The following LRP1B variants were observed in gnomAD, a reference collection of about 807,000 sequenced individuals.
The protein encoded by LRP1B is LDL receptor related protein 1B.
LRP1B carries 217 observed loss-of-function variants against 556.6 expected under a neutral mutation model. The ratio of observed to expected loss-of-function variants is 0.39; its 90% confidence interval spans 0.35 to 0.44. LRP1B has a LOEUF of 0.44. LRP1B is among the 20% of genes least tolerant of loss of function. The pLI is 1.00. For missense variants in LRP1B, 5,053 were observed against 5,620.8 expected (o/e 0.90, Z 3.23); for synonymous variants, 2,047 against 1,865.8 (o/e 1.10, Z -2.50).
At position 141,160,296 on chromosome 2, in the gene LRP1B, C is replaced by G. The variant is rs917786353; in HGVS notation, c.1013+28125G>C. On this transcript the variant is annotated intron_variant, in intron 7 of 90. Coordinates refer to ENST00000389484, the MANE Select transcript of LRP1B (RefSeq NM_018557.3). ...GGAGAATATGTCTGAACAACTAGATCTCTCATATATTGCTGGTGAAACTGT... is the reference window on the plus strand; with the variant it reads ...GGAGAATATGTCTGAACAACTAGATGTCTCATATATTGCTGGTGAAACTGT... Among the ~76,000 whole-genome samples, 5 of 152,164 alleles carry G rather than the reference C, an allele frequency of 3.3e-5. No homozygotes were observed. In the East Asian group the frequency reaches 9.7e-4, roughly 29 times the overall value.
intron 1 of LRP1B, among the ~76,000 whole-genome samples, chr2:142,070,439 A>G (rs1047163903): frequency 1.3e-5 from 2 of 151,826 alleles, no homozygotes; most frequent in Non-Finnish European, 2.9e-5. Flanking sequence ...CTTGGGTTCT[A>G]ACACAAATCA....
At chr2:141,359,358 T>C (rs1388420148) in intron 3 of LRP1B, among the ~76,000 whole-genome samples, 1 of 150,718 alleles carries the variant, frequency 6.6e-6, no homozygotes, top group Non-Finnish European at 1.5e-5. Flanking sequence ...AGGCAAACAT[T>C]AGAATGAGAA....
chr2:141,795,857 AATATATATATATATATATATAT>A (rs1198211801), intron 2 of LRP1B, among the ~76,000 whole-genome samples: 8 of 51,612 alleles, frequency 1.6e-4, no homozygotes, highest in Admixed American at 2.3e-4. Context: ...AACCAGGAGC[AATATATATATATATATATATAT>A]ATATATATAT....
chr2:141,040,978 T>A (rs1360559257), intron 11 of LRP1B, among the ~76,000 whole-genome samples: 1 of 152,118 alleles, frequency 6.6e-6, no homozygotes, highest in Non-Finnish European at 1.5e-5. Context: ...AAACCTACCT[T>A]GGATCATGTC....
intron 67 of LRP1B, among the ~76,000 whole-genome samples, chr2:140,379,627 A>G (rs753853542): frequency 2.6e-5 from 4 of 152,132 alleles, no homozygotes; most frequent in Non-Finnish European, 5.9e-5. Context: ...TCTGGGAGAC[A>G]GAGGCTGCAG....
At position 141,516,928 on chromosome 2, in the gene LRP1B, C is replaced by A. The variant is rs191202122; in HGVS notation, c.206-36395G>T. On this transcript the variant is annotated intron_variant, in intron 2 of 90. Coordinates refer to ENST00000389484, the MANE Select transcript of LRP1B (RefSeq NM_018557.3). The stretch of plus-strand genomic sequence containing the variant: ...GCCAGGCTGGTCTCGAACTCCTGAC[C>A]TCAGGTGATCCGCCTGCCTCGGTCT... 8.4e-4 allele frequency among the ~76,000 whole-genome samples: 122 copies of A among 144,608 alleles called. 4 individuals carry two copies. The East Asian group carries it at 0.021, about 25-fold the overall frequency. The allele number at this position is 144,608 out of a possible 152,430, so 94.9% of individuals were successfully genotyped here.
intron 1 of LRP1B, among the ~76,000 whole-genome samples, chr2:142,115,407 G>A (rs76643695): frequency 0.032 from 4,463 of 139,158 alleles, 264 homozygotes; most frequent in African/African-American, 0.12. Context: ...AACAGTGATA[G>A]TACTAGATTA....
intron 7 of LRP1B, among the ~76,000 whole-genome samples, chr2:141,070,275 A>G (rs1235523930): frequency 6.6e-6 from 1 of 150,950 alleles, no homozygotes; most frequent in Non-Finnish European, 1.5e-5. Context: ...AACGAAATGA[A>G]GGCAGAAATA....
chr2:141,794,714 A>C (rs1202611757), intron 2 of LRP1B, among the ~76,000 whole-genome samples: 1 of 152,024 alleles, frequency 6.6e-6, no homozygotes, highest in Non-Finnish European at 1.5e-5. Flanking sequence ...AACTTCAAAA[A>C]TATTTTAATA....
rs567285726 is a variant in LRP1B at position 140,628,493 on chromosome 2, T to C, written c.6800-26854A>G. ...CGGAGCTTGCAGTGAGCCTAGATCC[T>C]GCCACTGCACTCCAGCCTGGGCGAA... On this transcript the variant is annotated intron_variant, in intron 41 of 90. Coordinates refer to ENST00000389484, the MANE Select transcript of LRP1B (RefSeq NM_018557.3). 8.7e-4 allele frequency among the ~76,000 whole-genome samples: 130 copies of C among 149,022 alleles called. 1 individual carries two copies. The highest frequency in any genetic ancestry group is 3.1e-3 in the African/African-American group (125 of 40,382).
chr2:142,049,414 T>C (rs952013078), intron 1 of LRP1B, among the ~76,000 whole-genome samples: 1 of 152,130 alleles, frequency 6.6e-6, no homozygotes, highest in African/African-American at 2.4e-5. Context: ...GAAAGCTTGA[T>C]ATACATCACA....
intron 7 of LRP1B, among the ~76,000 whole-genome samples, chr2:141,146,861 A>T (rs72976046): frequency 0.036 from 5,458 of 152,228 alleles, 308 homozygotes; most frequent in African/African-American, 0.12. Context: ...AAGTAAAAAG[A>T]CGAGCTGTGC....
chr2:140,849,831 T>C (rs953919621), intron 29 of LRP1B, among the ~76,000 whole-genome samples: 8 of 152,176 alleles, frequency 5.3e-5, no homozygotes, highest in Non-Finnish European at 1.5e-5. Flanking sequence ...TGAGCCACCG[T>C]GCCCAGCCGA....
chr2:140,313,098 C>CCAAA (rs754367414), intron 83 of LRP1B, among the ~76,000 whole-genome samples: 5 of 151,738 alleles, frequency 3.3e-5, no homozygotes, highest in Non-Finnish European at 5.9e-5. Flanking sequence ...GTCTAAAATA[C>CCAAA]CAAACAATGT....
intron 1 of LRP1B, among the ~76,000 whole-genome samples, chr2:141,953,072 G>T (rs1354365334): frequency 6.6e-6 from 1 of 151,998 alleles, no homozygotes; most frequent in Non-Finnish European, 1.5e-5. Flanking sequence ...CTTTTGGTGG[G>T]TATTATCTTT....
At chr2:141,317,764 A>C (rs932929956) in intron 3 of LRP1B, among the ~76,000 whole-genome samples, 1 of 152,160 alleles carries the variant, frequency 6.6e-6, no homozygotes, top group Non-Finnish European at 1.5e-5. Flanking sequence ...AAATTGGGTT[A>C]TTAATAATTG....
intron 43 of LRP1B, among the ~76,000 whole-genome samples, chr2:140,584,561 C>A (rs545993136): frequency 1.3e-5 from 2 of 152,014 alleles, no homozygotes; most frequent in Non-Finnish European, 2.9e-5. Context: ...TAAATCAATC[C>A]ATCAGTATCA....
chr2:141,481,644 T>C (rs1054723133), intron 2 of LRP1B, among the ~76,000 whole-genome samples: 1 of 152,210 alleles, frequency 6.6e-6, no homozygotes, highest in African/African-American at 2.4e-5. Context: ...CGCTGAGCAC[T>C]GCGATGTAGG....
chr2:140,869,152 A>C lies in LRP1B; in HGVS notation c.4170-889T>G, dbSNP rs112731186. Among the ~76,000 whole-genome samples, 678 of 152,150 alleles carry C rather than the reference A, an allele frequency of 4.5e-3. 10 individuals are homozygous for C. Among genetic ancestry groups the C allele is most frequent in the Non-Finnish European group, 4.4e-3 (302 of 67,990 alleles). On this transcript the variant is annotated intron_variant, in intron 25 of 90. Transcript: ENST00000389484. The stretch of plus-strand genomic sequence containing the variant: ...AATTCCCCCATTTGAAGCCCATAAA[A>C]ACCCCAGACTCAGCCTCAGAGAAGG...
Sources: gnomAD v4.1 joint callset for allele counts (sites outside exome capture counted in the v4.1 genomes callset) on GRCh38, gnomAD v4.1.1 for gene constraint, MANE v1.5 for transcripts, NCBI Gene and HGNC (gene_info 2026-07-23, HGNC 2026-07-21) for gene names.